The following PFDN2 variants were observed in gnomAD, a reference collection of about 807,000 sequenced individuals.
PFDN2 encodes the protein prefoldin 2.
A neutral mutation model predicts 18.3 loss-of-function variants in PFDN2; 7 were observed. The observed-to-expected ratio is 0.38, with a 90% CI of 0.22 to 0.72. PFDN2 has a LOEUF of 0.72. Among genes scored for constraint, PFDN2 ranks in the 30% least tolerant of loss-of-function variants. The probability of loss-of-function intolerance (pLI) is 0.47; values close to 1 mark genes in which losing one functional copy is unlikely to be tolerated. For synonymous variants in PFDN2, 76 were observed against 75.0 expected (o/e 1.01, Z -0.07); for missense variants, 181 against 199.1 (o/e 0.91, Z 0.55).
At chr1:161,108,215 G>C (rs543979853) in intron 1 of PFDN2, among the ~76,000 whole-genome samples, 11 of 151,274 alleles carry the variant, frequency 7.3e-5, no homozygotes, top group African/African-American at 2.7e-4. Context: ...CACTTTGGGA[G>C]GCCAAGGCCA....
At chr1:161,103,683 CAAAAAAAAAAAAA>C (rs553472563) in intron 1 of PFDN2, among the ~76,000 whole-genome samples, 2,798 of 75,022 alleles carry the variant, frequency 0.037, 67 homozygotes, top group Middle Eastern at 0.1. Context: ...GACTCCGTCT[CAAAAAAAAAAAAA>C]AAAAAAAAAA....
intron 1 of PFDN2, among the ~76,000 whole-genome samples, chr1:161,116,613 T>C (rs1467839033): frequency 2.6e-5 from 4 of 152,210 alleles, no homozygotes; most frequent in Non-Finnish European, 5.9e-5. Context: ...AGGACACTTA[T>C]CTTCTGCCTC....
chr1:161,101,959 C>T, intron 3 of PFDN2, 89 bp downstream of exon 3: 1 of 1,384,900 alleles, frequency 7.2e-7, no homozygotes, highest in South Asian at 1.2e-5. Context: ...TCTCGAACTC[C>T]CGGACTCAAA....
chr1:161,107,227 C>T (rs1654695859), intron 1 of PFDN2, among the ~76,000 whole-genome samples: 1 of 152,086 alleles, frequency 6.6e-6, no homozygotes, highest in African/African-American at 2.4e-5. Flanking sequence ...AGATCCAGAC[C>T]ATCCTGGCTA....
Position 161,100,667 on chromosome 1 carries a change from G to A in PFDN2, c.*16C>T. The A allele has an allele frequency of 6.6e-7, 1 of 1,524,374 alleles. No homozygotes were observed. 94.4% of individuals were successfully genotyped at this position (1,524,374 alleles called of 1,614,324 possible). On this transcript the variant is annotated 3_prime_UTR_variant, in exon 4 of 4. Transcript: ENST00000368010. Reference sequence around the variant, plus strand: ...AGTGGGAGTCAGGGTAGAAAAAAATGCAAAGGCCTTGGTCCCTAGGAGACC... The same window carrying A: ...AGTGGGAGTCAGGGTAGAAAAAAATACAAAGGCCTTGGTCCCTAGGAGACC...
At position 161,100,611 on chromosome 1, in the gene PFDN2, A is replaced by T; in HGVS notation, c.*72T>A. Reference sequence around the variant, plus strand: ...AAAAAATATTACAATAGCAGAGAAAATAATAATAATAACAATAAAGAGAAA... The same window carrying T: ...AAAAAATATTACAATAGCAGAGAAATTAATAATAATAACAATAAAGAGAAA... On this transcript the variant is annotated 3_prime_UTR_variant, in exon 4 of 4. Coordinates refer to ENST00000368010, the MANE Select transcript of PFDN2 (RefSeq NM_012394.4). 9.5e-7 allele frequency: 1 copy of T among 1,047,142 alleles called. No homozygotes were observed. Among genetic ancestry groups the T allele is most frequent in the South Asian group, 1.9e-5 (1 of 51,788 alleles). 64.9% of individuals were successfully genotyped at this position (1,047,142 alleles called of 1,614,324 possible).
chr1:161,101,156 T>C (rs1654549135), intron 3 of PFDN2, among the ~76,000 whole-genome samples: 1 of 152,286 alleles, frequency 6.6e-6, no homozygotes, highest in Non-Finnish European at 1.5e-5. Flanking sequence ...CCCAAAGCGC[T>C]AGGAATACAG....
At chr1:161,112,328 T>C (rs1259868875) in intron 1 of PFDN2, among the ~76,000 whole-genome samples, 1 of 152,246 alleles carries the variant, frequency 6.6e-6, no homozygotes, top group African/African-American at 2.4e-5. Context: ...CATGGATATC[T>C]TAAACTCATG....
chr1:161,108,575 A>C (rs77530297), intron 1 of PFDN2, among the ~76,000 whole-genome samples: 3 of 151,852 alleles, frequency 2.0e-5, no homozygotes, highest in African/African-American at 7.3e-5. Flanking sequence ...AAAAAAAAAA[A>C]CAAAAAACAA....
chr1:161,109,824 C>A (rs1654765063), intron 1 of PFDN2, among the ~76,000 whole-genome samples: 1 of 151,974 alleles, frequency 6.6e-6, no homozygotes, highest in South Asian at 2.1e-4. Flanking sequence ...TGAAACCCTG[C>A]AGATCACTTG....
At chr1:161,108,345 C>T (rs2101703409) in intron 1 of PFDN2, among the ~76,000 whole-genome samples, 1 of 151,694 alleles carries the variant, frequency 6.6e-6, no homozygotes, top group Non-Finnish European at 1.5e-5. Flanking sequence ...GTAATCCCAG[C>T]TACTCAGAAG....
In PFDN2 at chr1:161,102,148, T is replaced by A. The variant is rs1317392128; in HGVS notation, c.188A>T (p.Glu63Val). 1.2e-6 allele frequency: 2 copies of A among 1,614,168 alleles called. No homozygotes were observed. The highest frequency in any genetic ancestry group is 2.2e-5 in the South Asian group (2 of 91,088). Residue 63 changes from glutamate to valine, a missense_variant, in exon 3 of 4, where the codon GAG (glutamate) becomes GTG (valine). By Grantham distance (121) the Glu-to-Val change is moderately radical (BLOSUM62 -2). Transcript: ENST00000368010. ...EHSLVIDTLKEVDETRKCYRM... is the reference protein window; with the variant it reads ...EHSLVIDTLKVVDETRKCYRM... ...GTAGCACTTACGAGTTTCATCTACC[T>A]CCTTCAGTGTATCGATCACTAGGCT...
At chr1:161,104,421 C>G (rs1654638145) in intron 1 of PFDN2, among the ~76,000 whole-genome samples, 1 of 151,640 alleles carries the variant, frequency 6.6e-6, no homozygotes, top group South Asian at 2.1e-4. Context: ...TACTAGGGCC[C>G]TATCTCTTTT....
At chr1:161,108,140 A>G (rs947836396) in intron 1 of PFDN2, among the ~76,000 whole-genome samples, 7 of 149,508 alleles carry the variant, frequency 4.7e-5, no homozygotes, top group Non-Finnish European at 7.4e-5. Flanking sequence ...AACAAAAACA[A>G]AAATAAAAAT....
At chr1:161,114,947 C>CT (rs2101707901) in intron 1 of PFDN2, among the ~76,000 whole-genome samples, 2 of 152,276 alleles carry the variant, frequency 1.3e-5, no homozygotes, top group Non-Finnish European at 2.9e-5. Flanking sequence ...TCAAATGAGT[C>CT]TGAGTAAAGC....
At chr1:161,111,928 T>C (rs2101706063) in intron 1 of PFDN2, among the ~76,000 whole-genome samples, 1 of 152,346 alleles carries the variant, frequency 6.6e-6, no homozygotes, top group Non-Finnish European at 1.5e-5. Flanking sequence ...CATTCTTAGC[T>C]ACTTCTATAG....
At chr1:161,106,431 A>G (rs1654678225) in intron 1 of PFDN2, among the ~76,000 whole-genome samples, 1 of 152,210 alleles carries the variant, frequency 6.6e-6, no homozygotes, top group African/African-American at 2.4e-5. Flanking sequence ...TAATGAAAAC[A>G]GAGAAGCTAT....
At chr1:161,110,772 C>T (rs1340955769) in intron 1 of PFDN2, among the ~76,000 whole-genome samples, 3 of 151,690 alleles carry the variant, frequency 2.0e-5, no homozygotes, top group Non-Finnish European at 4.4e-5. Context: ...ACTTCTTTGA[C>T]CTTATTACTC....
rs565289206 is a variant in PFDN2, at chr1:161,117,820, G to C, written c.75+132C>G. 7 of 820,506 alleles carry C rather than the reference G, an allele frequency of 8.5e-6. No homozygotes were observed. The East Asian group carries it at 1.7e-4, about 20-fold the overall frequency. 50.8% of individuals were successfully genotyped at this position (820,506 alleles called of 1,614,324 possible). ...CGAAGGGGTTCGGCTAGCTTTTCCG[G>C]GGACCCTTCCCTCTCTAGGTGCCAC... On this transcript the variant is annotated intron_variant, in intron 1 of 3. Transcript: ENST00000368010.
Sources: allele counts gnomAD v4.1 joint callset (sites outside exome capture counted in the v4.1 genomes callset), GRCh38; gene constraint gnomAD v4.1.1; transcripts MANE v1.5; gene names NCBI Gene and HGNC (gene_info 2026-07-23, HGNC 2026-07-21).